Variants in HECW2 observed in about 807,000 individuals in gnomAD.
The protein encoded by HECW2 is E3 ubiquitin-protein ligase HECW2.
Under a neutral mutation model 175.2 loss-of-function variants are expected in HECW2, and 61 were observed. The observed-to-expected ratio is 0.35, with a 90% CI of 0.28 to 0.43. The LOEUF (loss-of-function observed/expected upper bound fraction) is 0.43. Ranked by LOEUF, HECW2 falls within the 20% of genes least tolerant of loss-of-function variation. The probability of loss-of-function intolerance (pLI) is 1.00; values close to 1 mark genes in which losing one functional copy is unlikely to be tolerated. For synonymous variants in HECW2, 671 were observed against 731.0 expected (o/e 0.92, Z 1.32); for missense variants, 1,524 against 2,000.5 (o/e 0.76, Z 4.54).
chr2:196,259,566 T>C (rs928061981), intron 17 of HECW2, among the ~76,000 whole-genome samples: 2 of 141,122 alleles, frequency 1.4e-5, no homozygotes, highest in Non-Finnish European at 3.0e-5. Context: ...TAACTACTAT[T>C]TTTTTTTTAA....
At chr2:196,363,264 T>A (rs1033240395) in intron 2 of HECW2, among the ~76,000 whole-genome samples, 1 of 151,966 alleles carries the variant, frequency 6.6e-6, no homozygotes, top group East Asian at 1.9e-4. Flanking sequence ...ACATAGAAGA[T>A]GCTTTAAAAA....
chr2:196,367,742 A>C (rs2105896112), intron 2 of HECW2, among the ~76,000 whole-genome samples: 1 of 152,126 alleles, frequency 6.6e-6, no homozygotes, highest in South Asian at 2.1e-4. Context: ...CAACATGCGA[A>C]GTGTGTCTTT....
At chr2:196,336,640 T>TA (rs944348634) in intron 3 of HECW2, among the ~76,000 whole-genome samples, 5 of 151,906 alleles carry the variant, frequency 3.3e-5, no homozygotes, top group African/African-American at 7.2e-5. Flanking sequence ...GACAATGAGA[T>TA]AAAAAAAATG....
intron 1 of HECW2, among the ~76,000 whole-genome samples, chr2:196,469,895 T>C (rs1278999515): frequency 3.3e-5 from 5 of 151,962 alleles, no homozygotes; most frequent in Non-Finnish European, 7.4e-5. Flanking sequence ...ATAAGGGAAA[T>C]TGACTTTTTT....
intron 14 of HECW2, chr2:196,289,733 T>C (rs1690534456): frequency 6.6e-6 from 1 of 152,094 alleles, no homozygotes. Flanking sequence ...TAAATTCAAT[T>C]AAAAGGGGCT....
intron 3 of HECW2, among the ~76,000 whole-genome samples, chr2:196,339,266 C>T (rs1020786831): frequency 2.6e-5 from 4 of 152,128 alleles, no homozygotes; most frequent in African/African-American, 7.2e-5. Flanking sequence ...AATAAAAAGG[C>T]ACCCATGACA....
intron 1 of HECW2, among the ~76,000 whole-genome samples, chr2:196,559,603 C>A (rs1689929009): frequency 6.6e-6 from 1 of 152,182 alleles, no homozygotes; most frequent in Non-Finnish European, 1.5e-5. Flanking sequence ...AGGATGCAAA[C>A]AACAGAGGCA....
At chr2:196,385,238 T>A (rs532226551) in intron 2 of HECW2, among the ~76,000 whole-genome samples, 1 of 152,166 alleles carries the variant, frequency 6.6e-6, no homozygotes, top group Admixed American at 6.5e-5. Flanking sequence ...GTATCTCATA[T>A]GCAATAAATC....
chr2:196,222,923 G>C (rs1246037072), intron 23 of HECW2, among the ~76,000 whole-genome samples: 2 of 151,872 alleles, frequency 1.3e-5, no homozygotes, highest in Non-Finnish European at 2.9e-5. Flanking sequence ...CCGTCAATCT[G>C]TATTTTTCCC....
intron 28 of HECW2, among the ~76,000 whole-genome samples, chr2:196,210,764 C>A (rs1329375392): frequency 6.7e-6 from 1 of 149,484 alleles, no homozygotes; most frequent in Non-Finnish European, 1.5e-5. Context: ...CAGGTGCACA[C>A]CACCATGCCT....
intron 1 of HECW2, among the ~76,000 whole-genome samples, chr2:196,569,890 T>A (rs1690324448): frequency 6.6e-6 from 1 of 152,226 alleles, no homozygotes; most frequent in Non-Finnish European, 1.5e-5. Context: ...GAACCAGGCA[T>A]GGTGGCACAT....
intron 1 of HECW2, among the ~76,000 whole-genome samples, chr2:196,485,148 T>C (rs181595388): frequency 6.6e-6 from 1 of 152,054 alleles, no homozygotes; most frequent in East Asian, 1.9e-4. Context: ...GAAAGAGCCA[T>C]TGGAGAAAAG....
intron 28 of HECW2, among the ~76,000 whole-genome samples, chr2:196,202,128 T>C (rs1027464774): frequency 6.6e-6 from 1 of 152,194 alleles, no homozygotes; most frequent in Non-Finnish European, 1.5e-5. Context: ...GTACATCTTA[T>C]CAGGAAGCAA....
intron 1 of HECW2, among the ~76,000 whole-genome samples, chr2:196,469,661 G>A (rs1397412645): frequency 6.6e-6 from 1 of 151,760 alleles, no homozygotes; most frequent in African/African-American, 2.4e-5. Flanking sequence ...AAATGTAGGT[G>A]GTAAGAAAGT....
chr2:196,210,492 AGTGGACATTGG>A (rs1317557968), intron 28 of HECW2, among the ~76,000 whole-genome samples: 1 of 152,116 alleles, frequency 6.6e-6, no homozygotes, highest in Non-Finnish European at 1.5e-5. Context: ...ACCAGCTAGT[AGTGGACATTGG>A]GTGGACATTG....
At chr2:196,205,733 T>C (rs1266307008) in intron 28 of HECW2, among the ~76,000 whole-genome samples, 1 of 152,156 alleles carries the variant, frequency 6.6e-6, no homozygotes, top group Non-Finnish European at 1.5e-5. Flanking sequence ...TCAGAAGGTT[T>C]GGGGTGGGCC....
At chr2:196,404,721 C>T (rs780173931) in intron 2 of HECW2, among the ~76,000 whole-genome samples, 1 of 152,038 alleles carries the variant, frequency 6.6e-6, no homozygotes, top group Non-Finnish European at 1.5e-5. Flanking sequence ...CCATTAATCA[C>T]CCCCAGTTAT....
chr2:196,384,143 A>C (rs1488638257), intron 2 of HECW2, among the ~76,000 whole-genome samples: 1 of 152,230 alleles, frequency 6.6e-6, no homozygotes, highest in African/African-American at 2.4e-5. Flanking sequence ...TTGTTTAACA[A>C]GCTCATTCAG....
chr2:196,539,485 A>G (rs1689137290), intron 1 of HECW2, among the ~76,000 whole-genome samples: 1 of 152,008 alleles, frequency 6.6e-6, no homozygotes, highest in Non-Finnish European at 1.5e-5. Flanking sequence ...ATACAAAAAA[A>G]TTGGCCGGCT....
Sources: allele counts gnomAD v4.1 joint callset (sites outside exome capture counted in the v4.1 genomes callset), GRCh38; gene constraint gnomAD v4.1.1; transcripts MANE v1.5; gene names NCBI Gene and HGNC (gene_info 2026-07-23, HGNC 2026-07-21).